VEPH1: variants seen among roughly 807,000 people sequenced by gnomAD.
VEPH1 encodes the protein ventricular zone expressed PH domain containing 1.
VEPH1 carries 80 observed loss-of-function variants against 85.2 expected under a neutral mutation model. That is an observed-to-expected ratio of 0.94 (90% CI 0.78 to 1.13). The LOEUF is 1.13. VEPH1 is among the 50% of genes most tolerant of loss of function. The pLI, the probability that VEPH1 is intolerant of heterozygous loss-of-function variation, is 0.00. For synonymous variants in VEPH1, 297 were observed against 348.0 expected, an observed-to-expected ratio of 0.85 and a Z score of 1.63; for missense variants, 955 against 980.5, an observed-to-expected ratio of 0.97 and a Z score of 0.35.
At chr3:157,405,358 G>A (rs9878474) in intron 6 of VEPH1, among the ~76,000 whole-genome samples, 101,891 of 151,990 alleles carry the variant, frequency 0.67, 34,509 homozygotes, top group South Asian at 0.75. Flanking sequence ...TTGTCCTTTC[G>A]CCAGCTCTTT....
chr3:157,293,514 A>G (rs1456742725), intron 11 of VEPH1, among the ~76,000 whole-genome samples: 2 of 152,220 alleles, frequency 1.3e-5, no homozygotes, highest in African/African-American at 2.4e-5. Flanking sequence ...GGCTGGAAGA[A>G]AACACTATGT....
At chr3:157,314,885 TTG>T (rs551425682) in intron 10 of VEPH1, among the ~76,000 whole-genome samples, 19 of 152,108 alleles carry the variant, frequency 1.2e-4, no homozygotes, top group Non-Finnish European at 2.6e-4. Context: ...AGATTTTAAG[TTG>T]TGTTTGTATA....
chr3:157,356,470 T>C (rs1725443516), intron 9 of VEPH1, among the ~76,000 whole-genome samples: 2 of 152,212 alleles, frequency 1.3e-5, no homozygotes, highest in Admixed American at 1.3e-4. Flanking sequence ...AATTGCTAAC[T>C]ATGTAATTGC....
rs2108223504 is a variant in VEPH1, at chr3:157,260,888, T to C, written c.*246A>G. ...CCACACTATCTGAGGGCATACTCTGTAGCTCCTTTTATTTTATTTTATTTT... is the reference window on the plus strand; with the variant it reads ...CCACACTATCTGAGGGCATACTCTGCAGCTCCTTTTATTTTATTTTATTTT... On this transcript the variant is annotated 3_prime_UTR_variant, in exon 14 of 14. Transcript: ENST00000362010. 2 of 475,534 alleles carry C rather than the reference T, an allele frequency of 4.2e-6. No individual in the cohort carries two copies. The highest frequency in any genetic ancestry group is 4.9e-5 in the South Asian group (2 of 40,606). 29.5% of individuals were successfully genotyped at this position (475,534 alleles called of 1,614,324 possible).
chr3:157,263,853 C>T (rs1211020860), intron 13 of VEPH1, among the ~76,000 whole-genome samples: 1 of 152,196 alleles, frequency 6.6e-6, no homozygotes, highest in Non-Finnish European at 1.5e-5. Flanking sequence ...AGATATAGTG[C>T]ATATGGCCGA....
At chr3:157,301,360 T>C (rs1230126046) in intron 11 of VEPH1, among the ~76,000 whole-genome samples, 1 of 152,102 alleles carries the variant, frequency 6.6e-6, no homozygotes, top group Non-Finnish European at 1.5e-5. Flanking sequence ...GAAATAACCT[T>C]TTTTTGTTTT....
At chr3:157,494,173 A>C (rs1217007362) in intron 2 of VEPH1, among the ~76,000 whole-genome samples, 5 of 152,164 alleles carry the variant, frequency 3.3e-5, no homozygotes. Flanking sequence ...AGCAAGAGAA[A>C]ATAGGCTTGA....
Position 157,382,457 on chromosome 3 carries a change from A to G in VEPH1, c.907-1081T>C, listed in dbSNP as rs374909540. On this transcript the variant is annotated intron_variant, in intron 6 of 13. Coordinates refer to ENST00000362010, the MANE Select transcript of VEPH1 (RefSeq NM_001167912.2). Reference sequence around the variant, plus strand: ...CAAAATTATTGAAAAGGTTATTTGAAATGTAGATTTGTGCCCAATAGAAAT... The same window carrying G: ...CAAAATTATTGAAAAGGTTATTTGAGATGTAGATTTGTGCCCAATAGAAAT... Among the ~76,000 whole-genome samples, 24 of 152,348 alleles carry G rather than the reference A, an allele frequency of 1.6e-4. No homozygotes were observed. The East Asian group carries it at 4.2e-3, about 27-fold the overall frequency.
At chr3:157,494,625 G>A (rs977456604) in intron 2 of VEPH1, among the ~76,000 whole-genome samples, 1 of 152,234 alleles carries the variant, frequency 6.6e-6, no homozygotes, top group African/African-American at 2.4e-5. Context: ...GGCAGGTCCA[G>A]GGAGTAGGGA....
chr3:157,272,358 T>TTCTTTC (rs1292006973), intron 12 of VEPH1, among the ~76,000 whole-genome samples: 2 of 122,678 alleles, frequency 1.6e-5, no homozygotes, highest in Non-Finnish European at 3.7e-5. Context: ...TTCTCTCTCT[T>TTCTTTC]TCTTTCTTTC....
intron 4 of VEPH1, among the ~76,000 whole-genome samples, chr3:157,445,131 C>T (rs1734443243): frequency 6.6e-6 from 1 of 152,150 alleles, no homozygotes; most frequent in Non-Finnish European, 1.5e-5. Flanking sequence ...ATTTCAGCAA[C>T]CATCTTAGAC....
At chr3:157,427,259 C>T (rs1258525507) in intron 5 of VEPH1, among the ~76,000 whole-genome samples, 2 of 152,152 alleles carry the variant, frequency 1.3e-5, no homozygotes, top group East Asian at 3.9e-4. Flanking sequence ...GCTGGGATTA[C>T]AGGCGTGAGC....
At chr3:157,466,591 G>T (rs974870146) in intron 3 of VEPH1, among the ~76,000 whole-genome samples, 73 of 152,304 alleles carry the variant, frequency 4.8e-4, no homozygotes, top group African/African-American at 1.7e-3. Flanking sequence ...AGGAGGTGTT[G>T]TTATCCCAAT....
At chr3:157,474,726 C>G (rs1356250384) in intron 2 of VEPH1, among the ~76,000 whole-genome samples, 2 of 151,928 alleles carry the variant, frequency 1.3e-5, no homozygotes, top group African/African-American at 4.8e-5. Context: ...CAAACTCTCA[C>G]AATTTTAAGC....
At chr3:157,479,307 A>G (rs1737789983) in intron 2 of VEPH1, among the ~76,000 whole-genome samples, 1 of 152,180 alleles carries the variant, frequency 6.6e-6, no homozygotes, top group African/African-American at 2.4e-5. Flanking sequence ...GCCATTGTCA[A>G]TTTTAAAGTA....
chr3:157,278,533 C>A (rs1386317246), intron 12 of VEPH1, among the ~76,000 whole-genome samples: 1 of 152,178 alleles, frequency 6.6e-6, no homozygotes, highest in Non-Finnish European at 1.5e-5. Context: ...CCTAAGATTT[C>A]ATGCAAGGGG....
intron 6 of VEPH1, among the ~76,000 whole-genome samples, chr3:157,411,085 T>G (rs1731496339): frequency 6.6e-6 from 1 of 152,164 alleles, no homozygotes; most frequent in African/African-American, 2.4e-5. Context: ...CCTTCTCCCC[T>G]TCCCCCTTCC....
intron 4 of VEPH1, among the ~76,000 whole-genome samples, chr3:157,434,228 T>C (rs976341261): frequency 7.2e-5 from 11 of 152,206 alleles, no homozygotes; most frequent in African/African-American, 2.4e-4. Context: ...TTTAAAGCTT[T>C]TAACTTTTAA....
rs545378537 is a variant in VEPH1 at position 157,419,571 on chromosome 3, A to G, written c.697-5481T>C. ...ATGTGGCCAGCAGACATATGAAAAA[A>G]AACTCAACATCCCTGATCATTAGAG... is the stretch of plus-strand genomic sequence containing the variant. On this transcript the variant is annotated intron_variant, in intron 5 of 13. Transcript: ENST00000362010. 2.0e-4 allele frequency among the ~76,000 whole-genome samples: 30 copies of G among 152,334 alleles called. No individual in the cohort carries two copies. In the South Asian group the frequency reaches 5.4e-3, roughly 27 times the overall value.
Sources: allele counts gnomAD v4.1 joint callset (sites outside exome capture counted in the v4.1 genomes callset), GRCh38; gene constraint gnomAD v4.1.1; transcripts MANE v1.5; gene names NCBI Gene and HGNC (gene_info 2026-07-23, HGNC 2026-07-21).